CSMD1: variants seen among roughly 807,000 people sequenced by gnomAD.
The protein encoded by CSMD1 is CUB and sushi domain-containing protein 1.
CSMD1 carries 213 observed loss-of-function variants against 417.5 expected under a neutral mutation model. The observed-to-expected ratio is 0.51, with a 90% CI of 0.46 to 0.57. The LOEUF is 0.57. Ranked by LOEUF, CSMD1 falls within the 20% of genes least tolerant of loss-of-function variation. The pLI, the probability that CSMD1 is intolerant of heterozygous loss-of-function variation, is 0.00. For synonymous variants in CSMD1, 2,862 were observed against 1,736.8 expected, an observed-to-expected ratio of 1.65 and a Z score of -16.11; for missense variants, 6,923 against 4,529.7, an observed-to-expected ratio of 1.53 and a Z score of -15.17.
At chr8:4,450,773 A>T (rs1228047770) in intron 2 of CSMD1, among the ~76,000 whole-genome samples, 1 of 152,212 alleles carries the variant, frequency 6.6e-6, no homozygotes, top group African/African-American at 2.4e-5. Flanking sequence ...AATTGAAAGC[A>T]AGTATTGTAT....
intron 65 of CSMD1, among the ~76,000 whole-genome samples, chr8:2,953,507 G>A (rs1471087450): frequency 6.7e-6 from 1 of 149,468 alleles, no homozygotes; most frequent in Non-Finnish European, 1.5e-5. Flanking sequence ...CTAGTCAAGT[G>A]ATCTTATATA....
chr8:3,926,093 A>ACACACACAAACAC (rs1809675469), intron 5 of CSMD1, among the ~76,000 whole-genome samples: 1 of 49,056 alleles, frequency 2.0e-5, no homozygotes, highest in African/African-American at 1.5e-4. Context: ...ACACACACAC[A>ACACACACAAACAC]CACACACACA....
intron 26 of CSMD1, among the ~76,000 whole-genome samples, chr8:3,270,370 C>G (rs1424717690): frequency 1.3e-5 from 2 of 151,996 alleles, no homozygotes; most frequent in Admixed American, 6.6e-5. Context: ...CATCCTCTTA[C>G]TAGACAGTTG....
At chr8:4,717,848 G>T (rs183292155) in intron 1 of CSMD1, among the ~76,000 whole-genome samples, 1 of 152,084 alleles carries the variant, frequency 6.6e-6, no homozygotes, top group Non-Finnish European at 1.5e-5. Flanking sequence ...TTCACATTAA[G>T]TCCAAGAATA....
chr8:3,440,262 G>C (rs1412416856), intron 12 of CSMD1, among the ~76,000 whole-genome samples: 1 of 152,104 alleles, frequency 6.6e-6, no homozygotes, highest in East Asian at 1.9e-4. Flanking sequence ...TCTTTACTCT[G>C]AGTGTCCCAA....
At chr8:3,191,885 T>C (rs1185250524) in intron 33 of CSMD1, among the ~76,000 whole-genome samples, 2 of 152,226 alleles carry the variant, frequency 1.3e-5, no homozygotes, top group Admixed American at 6.5e-5. Context: ...TCAGTCCTTG[T>C]GTTTCTTCAT....
At chr8:4,209,596 G>A (rs567052160) in intron 3 of CSMD1, among the ~76,000 whole-genome samples, 1 of 152,174 alleles carries the variant, frequency 6.6e-6, no homozygotes, top group East Asian at 1.9e-4. Context: ...CCTTTTCCCT[G>A]TCCCCGTGAT....
At chr8:3,852,312 T>G (rs1037354944) in intron 5 of CSMD1, among the ~76,000 whole-genome samples, 4 of 151,778 alleles carry the variant, frequency 2.6e-5, no homozygotes, top group African/African-American at 9.7e-5. Flanking sequence ...GAGGTGGGGT[T>G]TGTAGGGAGC....
At chr8:3,570,885 C>T (rs963833700) in intron 10 of CSMD1, among the ~76,000 whole-genome samples, 2 of 152,156 alleles carry the variant, frequency 1.3e-5, no homozygotes, top group Admixed American at 6.5e-5. Flanking sequence ...ACAATAGGAA[C>T]TCTAAGCTTC....
intron 26 of CSMD1, among the ~76,000 whole-genome samples, chr8:3,247,546 ATGCCAGGG>A (rs1314828097): frequency 2.0e-5 from 3 of 152,230 alleles, no homozygotes; most frequent in Admixed American, 6.5e-5. Context: ...CTGGGCCAGG[ATGCCAGGG>A]TCTTGAATAC....
At chr8:3,452,769 T>C (rs1164574044) in intron 12 of CSMD1, among the ~76,000 whole-genome samples, 2 of 152,224 alleles carry the variant, frequency 1.3e-5, no homozygotes, top group Admixed American at 1.3e-4. Flanking sequence ...GATATTGGTC[T>C]AAAATTCTCT....
intron 1 of CSMD1, among the ~76,000 whole-genome samples, chr8:4,879,621 C>A (rs1472896368): frequency 6.6e-6 from 1 of 151,764 alleles, no homozygotes; most frequent in Non-Finnish European, 1.5e-5. Context: ...ACAGAATCAA[C>A]AACAGTTAAA....
At chr8:3,335,552 C>G (rs1321604527) in intron 23 of CSMD1, among the ~76,000 whole-genome samples, 1 of 152,098 alleles carries the variant, frequency 6.6e-6, no homozygotes, top group Non-Finnish European at 1.5e-5. Flanking sequence ...TGTTGGGTAC[C>G]TGTAATCCCA....
intron 2 of CSMD1, among the ~76,000 whole-genome samples, chr8:4,558,731 T>C (rs977595031): frequency 4.6e-5 from 7 of 151,998 alleles, no homozygotes; most frequent in Non-Finnish European, 8.8e-5. Context: ...TAGCCCAGCA[T>C]GGTGGTGGCG....
chr8:3,610,135 T>A (rs537270088), intron 8 of CSMD1, among the ~76,000 whole-genome samples: 1 of 152,228 alleles, frequency 6.6e-6, no homozygotes, highest in Admixed American at 6.5e-5. Context: ...CCATGTGTCA[T>A]TTCATCTAAG....
intron 1 of CSMD1, among the ~76,000 whole-genome samples, chr8:4,809,397 G>C (rs1798773072): frequency 6.6e-6 from 1 of 152,110 alleles, no homozygotes; most frequent in Non-Finnish European, 1.5e-5. Context: ...AACATTTTAA[G>C]CAGTAAGGAG....
chr8:3,477,700 A>T (rs572237381), intron 11 of CSMD1, among the ~76,000 whole-genome samples: 1 of 152,184 alleles, frequency 6.6e-6, no homozygotes, highest in African/African-American at 2.4e-5. Context: ...ACCAGAAGGA[A>T]TTTAAGCTCT....
intron 5 of CSMD1, among the ~76,000 whole-genome samples, chr8:3,832,181 G>A (rs916260316): frequency 6.6e-6 from 1 of 152,116 alleles, no homozygotes; most frequent in Non-Finnish European, 1.5e-5. Flanking sequence ...AAACAGCCGT[G>A]GAGGCTGAGT....
In CSMD1 at chr8:3,757,198, T is replaced by C. The variant is rs79858578; in HGVS notation, c.819-3156A>G. Among the ~76,000 whole-genome samples the C allele has an allele frequency of 9.5e-3, 1,445 of 152,268 alleles. 30 individuals are homozygous for C. The highest frequency in any genetic ancestry group is 0.05 in the East Asian group (257 of 5,178). ...CACCCACATCCACTCTTTACCCTCA[T>C]CTGTATTTCCAAATACCTACTCAGA... On this transcript the variant is annotated intron_variant, in intron 5 of 69. Coordinates refer to ENST00000635120, the MANE Select transcript of CSMD1 (RefSeq NM_033225.6).
Sources: allele counts gnomAD v4.1 joint callset (sites outside exome capture counted in the v4.1 genomes callset), GRCh38; gene constraint gnomAD v4.1.1; transcripts MANE v1.5; gene names NCBI Gene and HGNC (gene_info 2026-07-23, HGNC 2026-07-21).